Variants in WDFY3 observed in about 807,000 individuals in gnomAD.
WDFY3 encodes WD repeat and FYVE domain containing 3, also known as WD repeat and FYVE domain-containing protein 3.
A neutral mutation model predicts 409.6 loss-of-function variants in WDFY3; 66 were observed. That is an observed-to-expected ratio of 0.16 (90% CI 0.13 to 0.20). The LOEUF (loss-of-function observed/expected upper bound fraction) is 0.20. Among genes scored for constraint, WDFY3 ranks in the 10% least tolerant of loss-of-function variants. The pLI is 1.00. For synonymous variants in WDFY3, 1,521 were observed against 1,537.1 expected (o/e 0.99, Z 0.25); for missense variants, 3,031 against 4,298.1 (o/e 0.71, Z 8.24).
At chr4:84,937,745 C>G (rs1410247343) in intron 1 of WDFY3, among the ~76,000 whole-genome samples, 4 of 152,074 alleles carry the variant, frequency 2.6e-5, no homozygotes, top group African/African-American at 9.7e-5. Flanking sequence ...AAATTTGGCC[C>G]CTATTACCCC....
At position 84,687,954 on chromosome 4, in the gene WDFY3, C is replaced by G. The variant is rs539703880; in HGVS notation, c.9543+132G>C. 9 of 965,542 alleles carry G rather than the reference C, an allele frequency of 9.3e-6. No homozygotes were observed. The South Asian group carries it at 1.4e-4, about 15-fold the overall frequency. 59.8% of individuals were successfully genotyped at this position (965,542 alleles called of 1,614,324 possible). Reference sequence around the variant, plus strand: ...GCCTACAGCCCAGAAGTCCTGGGCTCAACTAATCCTCCTGCGGTAGCCTCC... The same window carrying G: ...GCCTACAGCCCAGAAGTCCTGGGCTGAACTAATCCTCCTGCGGTAGCCTCC... On this transcript the variant is annotated intron_variant, in intron 62 of 67. Coordinates refer to ENST00000295888, the MANE Select transcript of WDFY3 (RefSeq NM_014991.6).
In WDFY3 at chr4:84,786,045, C is replaced by A. The variant is rs146579100; in HGVS notation, c.3996G>T (p.Ser1332=). The stretch of plus-strand genomic sequence containing the variant: ...TCCGGATTCTTGCCACTGTTAGAGA[C>A]GACACAGAGAGTGCATAGAGGCCAA... ...VSFGLYALSV[S]SLTVARIRKV... Residue 1332 remains serine (S), a synonymous_variant, in exon 24 of 68, where the codon TCG becomes TCT. Coordinates refer to ENST00000295888, the MANE Select transcript of WDFY3 (RefSeq NM_014991.6). The A allele has an allele frequency of 2.0e-5, 33 of 1,613,872 alleles. No homozygotes were observed. Among genetic ancestry groups the A allele is most frequent in the Non-Finnish European group, 2.5e-5 (30 of 1,179,962 alleles).
chr4:84,880,704 T>C (rs1450229306), intron 3 of WDFY3, among the ~76,000 whole-genome samples: 1 of 109,866 alleles, frequency 9.1e-6, no homozygotes, highest in Non-Finnish European at 1.8e-5. Context: ...TATATATATA[T>C]ATATATATAT....
chr4:84,678,256 C>A lies in WDFY3; in HGVS notation c.10171G>T (p.Val3391Leu). ...KPGYRWERQL[V>L]FRSKLTMHTA... The stretch of plus-strand genomic sequence containing the variant: ...TGCATAGTCAGCTTACTCCTGAACA[C>A]CAGCTGCCGTTCCCATCGGTACCCT... Residue 3391 changes from valine (V) to leucine (L), a missense_variant, in exon 66 of 68, where the codon GTG (valine) becomes TTG (leucine). Physicochemically the swap from Val to Leu is conservative, Grantham distance 32 (BLOSUM62 1). Transcript: ENST00000295888. 2 of 1,614,088 alleles carry A rather than the reference C, an allele frequency of 1.2e-6. No homozygotes were observed. Among genetic ancestry groups the A allele is most frequent in the Non-Finnish European group, 1.7e-6 (2 of 1,179,996 alleles).
At chr4:84,917,876 A>C (rs142725933) in intron 2 of WDFY3, among the ~76,000 whole-genome samples, 41 of 152,104 alleles carry the variant, frequency 2.7e-4, no homozygotes, top group African/African-American at 9.6e-4. Flanking sequence ...AAAGACCAAA[A>C]CTCCTAGAGA....
intron 3 of WDFY3, among the ~76,000 whole-genome samples, chr4:84,892,173 C>T (rs1765041844): frequency 6.6e-6 from 1 of 151,738 alleles, no homozygotes; most frequent in Admixed American, 6.6e-5. Flanking sequence ...AATAATTTAT[C>T]ATGTTTTGGA....
intron 56 of WDFY3, among the ~76,000 whole-genome samples, chr4:84,698,064 T>A (rs1730430293): frequency 6.6e-6 from 1 of 152,150 alleles, no homozygotes; most frequent in Non-Finnish European, 1.5e-5. Context: ...CGCTGTCTGT[T>A]GAATCTCCCT....
chr4:84,903,471 C>T (rs568503161), intron 2 of WDFY3, among the ~76,000 whole-genome samples: 3 of 152,236 alleles, frequency 2.0e-5, no homozygotes, highest in South Asian at 2.1e-4. Context: ...AGGCCTGCAC[C>T]ACCATGCCTG....
rs962757340 is a variant in WDFY3 at position 84,674,362 on chromosome 4, G to A, written c.10458-1371C>T. On this transcript the variant is annotated intron_variant, in intron 67 of 67. Transcript: ENST00000295888. ...AGGCGGGGGTACTGCTTGAGCCCGC[G>A]GCTGTGAGACCAGCCTGGGGAACAT... is the stretch of plus-strand genomic sequence containing the variant. Among the ~76,000 whole-genome samples the A allele has an allele frequency of 7.2e-5, 11 of 152,068 alleles. No individual in the cohort carries two copies. The South Asian group carries it at 8.3e-4, about 11-fold the overall frequency.
At position 84,751,553 on chromosome 4, in the gene WDFY3, A is replaced by C. The variant is rs1740519573; in HGVS notation, c.5903T>G (p.Val1968Gly). 2.5e-6 allele frequency: 4 copies of C among 1,614,162 alleles called. No individual in the cohort carries two copies. Among genetic ancestry groups the C allele is most frequent in the Non-Finnish European group, 2.5e-6 (3 of 1,180,036 alleles). ...AKKFVFDFMR[V>G]LIIDNLCLTP... ...GAGACAGAGGTTGTCTATGATTAAG[A>C]CCCGCATGAAGTCAAAAACGAACTT... Residue 1968 changes from valine to glycine, a missense_variant, in exon 36 of 68, where the codon GTC (valine) becomes GGC (glycine). Physicochemically the swap from Val to Gly is moderately radical, Grantham distance 109 (BLOSUM62 -3). This residue lies in a region of WDFY3 where 314 missense variants were observed against 397.4 expected (regional missense o/e 0.79). Transcript: ENST00000295888.
intron 3 of WDFY3, among the ~76,000 whole-genome samples, chr4:84,866,454 C>T (rs1213425366): frequency 1.3e-5 from 2 of 152,178 alleles, no homozygotes; most frequent in African/African-American, 2.4e-5. Context: ...GCCAGAGTAG[C>T]AAAGGATCAA....
At chr4:84,885,423 T>C (rs1183621962) in intron 3 of WDFY3, among the ~76,000 whole-genome samples, 2 of 151,622 alleles carry the variant, frequency 1.3e-5, no homozygotes, top group Non-Finnish European at 2.9e-5. Flanking sequence ...TTACCGTATA[T>C]AAAAATAAAA....
At chr4:84,858,235 T>C (rs1441958517) in intron 4 of WDFY3, among the ~76,000 whole-genome samples, 1 of 152,056 alleles carries the variant, frequency 6.6e-6, no homozygotes, top group East Asian at 1.9e-4. Context: ...CCCAATAAGG[T>C]TGACATTATT....
At chr4:84,852,691 T>C (rs1357853034) in intron 4 of WDFY3, among the ~76,000 whole-genome samples, 1 of 152,190 alleles carries the variant, frequency 6.6e-6, no homozygotes, top group African/African-American at 2.4e-5. Context: ...GAGATTTTGA[T>C]AAATGTTGTG....
At position 84,837,013 on chromosome 4, in the gene WDFY3, T is replaced by C; in HGVS notation, c.492A>G (p.Pro164=). 4.4e-6 allele frequency: 7 copies of C among 1,602,468 alleles called. No homozygotes were observed. The highest frequency in any genetic ancestry group is 6.0e-6 in the Non-Finnish European group (7 of 1,174,654). Residue 164 remains proline, a synonymous_variant, in exon 7 of 68, where the codon CCA becomes CCG. Coordinates refer to ENST00000295888, the MANE Select transcript of WDFY3 (RefSeq NM_014991.6). ...CACCTCCAACTGCCTCAGGCACATG[T>C]GGAAGGTCAAAAAACAGATATAAAC... ...VKCLYLFFDL[P]HVPEAVGGAQ...
intron 53 of WDFY3, 49 bp from the exon 54 acceptor site, chr4:84,705,560 CCTCA>C: frequency 7.0e-7 from 1 of 1,433,718 alleles, no homozygotes; most frequent in Admixed American, 1.7e-5. Flanking sequence ...CACTATCTAG[CCTCA>C]CTAACGTAGA....
At chr4:84,751,969 A>G (rs1488883067) in intron 35 of WDFY3, among the ~76,000 whole-genome samples, 1 of 152,164 alleles carries the variant, frequency 6.6e-6, no homozygotes, top group Admixed American at 6.5e-5. Flanking sequence ...TTGTATGTCT[A>G]TTGTGGCTAA....
At position 84,682,739 on chromosome 4, in the gene WDFY3, TG is replaced by T. The variant is rs557906396; in HGVS notation, c.9727-270del. The T allele has an allele frequency of 1.2e-4, 43 of 351,708 alleles. No homozygotes were observed. In the East Asian group the frequency reaches 2.5e-3, roughly 20 times the overall value. The allele number at this position is 351,708 out of a possible 1,614,324, so 21.8% of individuals were successfully genotyped here. On this transcript the variant is annotated intron_variant, in intron 63 of 67. Coordinates refer to ENST00000295888, the MANE Select transcript of WDFY3 (RefSeq NM_014991.6). Reference sequence around the variant, plus strand: ...AGTGCTGCCTATAATCCCAGCACTTTGGGAAGCCAAGATGGGCGGATCATTT... The same window carrying T: ...AGTGCTGCCTATAATCCCAGCACTTTGGAAGCCAAGATGGGCGGATCATTT...
rs1748205741 is a variant in WDFY3, at chr4:84,789,903, A to C, written c.3492T>G (p.Asp1164Glu). 1 of 1,613,840 alleles carries C rather than the reference A, an allele frequency of 6.2e-7. No homozygotes were observed. The highest frequency in any genetic ancestry group is 8.5e-7 in the Non-Finnish European group (1 of 1,179,924). ...AAAATGAGGACTCTTCACTAAAATC[A>C]TCAACTGAAATAAAGGGGGGAAGAC... ...TKEELLQNYV[D>E]DFSEESSFYE... Residue 1164 changes from aspartate (D) to glutamate (E), a missense_variant, in exon 22 of 68, where the codon GAT (aspartate) becomes GAG (glutamate). Asp to Glu is a conservative substitution (Grantham distance 45). Around this residue, in one of 16 missense-constraint regions of WDFY3, gnomAD observed 1,322 missense variants for 1,697.9 expected, o/e 0.78. Coordinates refer to ENST00000295888, the MANE Select transcript of WDFY3 (RefSeq NM_014991.6).
Sources: allele counts gnomAD v4.1 joint callset (sites outside exome capture counted in the v4.1 genomes callset), GRCh38; gene constraint gnomAD v4.1.1; regional missense constraint gnomAD v4.1.1; transcripts MANE v1.5; gene names NCBI Gene and HGNC (gene_info 2026-07-23, HGNC 2026-07-21).